The following COL14A1 variants were observed in gnomAD, a reference collection of about 807,000 sequenced individuals.
COL14A1 encodes collagen alpha-1(XIV) chain.
Under a neutral mutation model 230.3 loss-of-function variants are expected in COL14A1, and 136 were observed. The ratio of observed to expected loss-of-function variants is 0.59; its 90% CI spans 0.51 to 0.68. The LOEUF is 0.68. Among genes scored for constraint, COL14A1 ranks in the 30% least tolerant of loss-of-function variants. COL14A1 has a pLI of 0.00. For missense variants in COL14A1, 1,976 were observed against 2,215.8 expected (o/e 0.89, Z 2.17); for synonymous variants, 792 against 784.1 (o/e 1.01, Z -0.17).
chr8:120,201,949 A>G (rs1292079712), intron 8 of COL14A1, among the ~76,000 whole-genome samples: 1 of 152,196 alleles, frequency 6.6e-6, no homozygotes, highest in Non-Finnish European at 1.5e-5. Context: ...ATATTTCTAT[A>G]TAAGTCCAAA....
At chr8:120,255,429 A>G in intron 23 of COL14A1, 73 bp downstream of exon 23, 1 of 1,121,808 alleles carries the variant, frequency 8.9e-7, no homozygotes, top group Non-Finnish European at 1.4e-6. Context: ...ACTGTGTACA[A>G]CACACAAGTA....
At chr8:120,370,881 T>C in intron 47 of COL14A1, 2 of 1,292,292 alleles carry the variant, frequency 1.5e-6, no homozygotes, top group Non-Finnish European at 2.1e-6. Context: ...TGCTGAGTTT[T>C]CAGGGTTTCT....
intron 46 of COL14A1, among the ~76,000 whole-genome samples, chr8:120,368,479 G>A (rs936968652): frequency 6.6e-6 from 1 of 151,942 alleles, no homozygotes; most frequent in Non-Finnish European, 1.5e-5. Flanking sequence ...GAGCCACCAC[G>A]CTATTCAAAT....
intron 34 of COL14A1, among the ~76,000 whole-genome samples, chr8:120,295,599 T>G (rs1334059043): frequency 1.3e-5 from 2 of 151,898 alleles, no homozygotes; most frequent in African/African-American, 4.8e-5. Context: ...ACTATTATAT[T>G]TCTGTCCTCA....
chr8:120,320,343 G>A (rs1821395129), intron 40 of COL14A1, among the ~76,000 whole-genome samples: 1 of 152,098 alleles, frequency 6.6e-6, no homozygotes, highest in Non-Finnish European at 1.5e-5. Flanking sequence ...TGCCTTAGAA[G>A]ACTGAAGAAA....
intron 5 of COL14A1, among the ~76,000 whole-genome samples, chr8:120,185,742 G>T (rs1324275296): frequency 1.3e-5 from 2 of 152,058 alleles, no homozygotes; most frequent in Admixed American, 1.3e-4. Flanking sequence ...TCAGTCACTT[G>T]TCCTCTCTGA....
Position 120,227,343 on chromosome 8 carries a change from G to A in COL14A1, c.2128G>A (p.Gly710Arg), listed in dbSNP as rs1166328230. ...CGAGAGTGAGGTGGTGACTGCTGTC[G>A]GGACCACACGTAAGTCTTGGTCTGG... Reference protein sequence around the residue: ...GSESEVVTAVGTTLDSFWTEP... With the variant: ...GSESEVVTAVRTTLDSFWTEP... The change falls in exon 17 of 48, where the codon GGG becomes AGG. Residue 710 changes from glycine to arginine, a missense_variant. Transcript: ENST00000297848. 3.7e-6 allele frequency: 6 copies of A among 1,613,506 alleles called. No individual in the cohort carries two copies. The South Asian group carries it at 4.4e-5, about 12-fold the overall frequency.
At chr8:120,177,696 A>C (rs898141567) in intron 5 of COL14A1, among the ~76,000 whole-genome samples, 1 of 144,860 alleles carries the variant, frequency 6.9e-6, no homozygotes, top group Non-Finnish European at 1.5e-5. Context: ...TAAAAAGACT[A>C]TATATATATA....
chr8:120,140,030 A>T (rs181098478), intron 1 of COL14A1, among the ~76,000 whole-genome samples: 1 of 152,158 alleles, frequency 6.6e-6, no homozygotes, highest in East Asian at 1.9e-4. Context: ...CCTAAAAAAA[A>T]CCCAAATCAA....
chr8:120,216,404 G>A lies in COL14A1; in HGVS notation c.1651G>A (p.Ala551Thr). The A allele has an allele frequency of 6.2e-7, 1 of 1,613,670 alleles. No homozygotes were observed. Among genetic ancestry groups the A allele is most frequent in the Non-Finnish European group, 8.5e-7 (1 of 1,179,846 alleles). Residue 551 changes from alanine to threonine, a missense_variant, in exon 14 of 48, where the codon GCT becomes ACT. By Grantham distance (58) the Ala-to-Thr change is moderately conservative. This residue lies in a region of COL14A1 where 1,791 missense variants were observed against 2,019.5 expected (regional missense o/e 0.89). Transcript: ENST00000297848. Reference protein sequence around the residue: ...LRISNVGSNSARLTWDPTSRQ... With the variant: ...LRISNVGSNSTRLTWDPTSRQ... Reference sequence around the variant, plus strand: ...AATCTCCAATGTTGGCTCTAACAGTGCTCGATTAACCTGGGACCCAACTTC... The same window carrying A: ...AATCTCCAATGTTGGCTCTAACAGTACTCGATTAACCTGGGACCCAACTTC...
chr8:120,345,575 C>T lies in COL14A1; in HGVS notation c.5077+12C>T, dbSNP rs1485444216. ...CCCAGGAGAACGAGGTAAGCTGGGCCCCTTCTCTCAGAGGAACTCCTCTGA... is the reference window on the plus strand; with the variant it reads ...CCCAGGAGAACGAGGTAAGCTGGGCTCCTTCTCTCAGAGGAACTCCTCTGA... On this transcript the variant is annotated intron_variant, in intron 45 of 47. Transcript: ENST00000297848. 1 of 1,518,590 alleles carries T rather than the reference C, an allele frequency of 6.6e-7. No individual in the cohort carries two copies. The highest frequency in any genetic ancestry group is 8.8e-7 in the Non-Finnish European group (1 of 1,139,538). The allele number at this position is 1,518,590 out of a possible 1,614,324, so 94.1% of individuals were successfully genotyped here.
In COL14A1 at chr8:120,263,010, A is replaced by G; in HGVS notation, c.3012A>G (p.Lys1004=). 3.7e-6 allele frequency: 6 copies of G among 1,603,822 alleles called. No individual in the cohort carries two copies. Among genetic ancestry groups the G allele is most frequent in the Non-Finnish European group, 5.1e-6 (6 of 1,176,748 alleles). ...GACCTAGTGTGAGCATAATGGAAAAAACACGTAAGTCATGTGTGTTCTCTC... is the reference window on the plus strand; with the variant it reads ...GACCTAGTGTGAGCATAATGGAAAAGACACGTAAGTCATGTGTGTTCTCTC... ...IEGPSVSIME[K]TQSLPTRPPT... Residue 1004 remains lysine, a synonymous_variant, in exon 24 of 48, where the codon AAA becomes AAG. Coordinates refer to ENST00000297848, the MANE Select transcript of COL14A1 (RefSeq NM_021110.4).
At position 120,125,299 on chromosome 8, in the gene COL14A1, G is replaced by A. The variant is rs902307917; in HGVS notation, c.-79G>A. 6.6e-6 allele frequency: 1 copy of A among 152,334 alleles called. No individual in the cohort carries two copies. Among genetic ancestry groups the A allele is most frequent in the East Asian group, 1.9e-4 (1 of 5,188 alleles). 9.4% of individuals were successfully genotyped at this position (152,334 alleles called of 1,614,324 possible). ...GGCGGAGCTTCGATCTTGCCTAGGCGCGGAGAGCTCCCAACCTGGGCTGGA... is the reference window on the plus strand; with the variant it reads ...GGCGGAGCTTCGATCTTGCCTAGGCACGGAGAGCTCCCAACCTGGGCTGGA... On this transcript the variant is annotated 5_prime_UTR_variant, in exon 1 of 48. Transcript: ENST00000297848.
intron 14 of COL14A1, among the ~76,000 whole-genome samples, chr8:120,221,023 CG>C (rs1474942496): frequency 1.3e-5 from 2 of 152,126 alleles, no homozygotes; most frequent in African/African-American, 4.8e-5. Flanking sequence ...TGTCAAACTA[CG>C]GACAGAAGTC....
At chr8:120,167,358 T>C (rs571817530) in intron 4 of COL14A1, among the ~76,000 whole-genome samples, 4,526 of 151,738 alleles carry the variant, frequency 0.03, 115 homozygotes, top group African/African-American at 0.063. Context: ...GAAATGAATG[T>C]AGCAATTAAT....
chr8:120,294,483 G>A (rs1310863378), intron 34 of COL14A1, among the ~76,000 whole-genome samples: 1 of 147,136 alleles, frequency 6.8e-6, no homozygotes, highest in Non-Finnish European at 1.5e-5. Flanking sequence ...TTTTCAGTGA[G>A]TTACAAAAAC....
At position 120,314,021 on chromosome 8, in the gene COL14A1, A is replaced by C; in HGVS notation, c.4545A>C (p.Gly1515=). The part of the protein sequence containing the change: ...PQGPSGLSIQ[G]MPGMPGEKGE... ...GACCAAGTGGTCTGTCCATTCAAGG[A>C]ATGCCCGTGAGTTGTGTTCAAACAT... is the stretch of plus-strand genomic sequence containing the variant. Residue 1515 remains glycine, a synonymous_variant, in exon 38 of 48, where the codon GGA becomes GGC. Coordinates refer to ENST00000297848, the MANE Select transcript of COL14A1 (RefSeq NM_021110.4). 6.2e-7 allele frequency: 1 copy of C among 1,607,454 alleles called. No individual in the cohort carries two copies.
chr8:120,321,282 C>T (rs529215278), intron 40 of COL14A1, among the ~76,000 whole-genome samples: 159 of 152,222 alleles, frequency 1.0e-3, no homozygotes, highest in African/African-American at 3.7e-3. Context: ...GAGTGGCACA[C>T]CTGGGCACAT....
At chr8:120,155,134 C>A (rs1757515115) in intron 2 of COL14A1, among the ~76,000 whole-genome samples, 1 of 152,136 alleles carries the variant, frequency 6.6e-6, no homozygotes, top group Admixed American at 6.5e-5. Context: ...ATTTATGCTT[C>A]TATAGGCAAT....
Sources: gnomAD v4.1 joint callset for allele counts (sites outside exome capture counted in the v4.1 genomes callset) on GRCh38, gnomAD v4.1.1 for gene constraint, gnomAD v4.1.1 regional missense constraint, MANE v1.5 for transcripts, NCBI Gene and HGNC (gene_info 2026-07-23, HGNC 2026-07-21) for gene names.